Variants in ARHGEF9 observed in about 807,000 individuals in gnomAD.
The protein encoded by ARHGEF9 is rho guanine nucleotide exchange factor 9.
In ARHGEF9, 2 loss-of-function variants were observed where a neutral mutation model predicts 41.3. The observed-to-expected ratio is 0.05, with a 90% CI of 0.02 to 0.15. ARHGEF9 has a LOEUF of 0.15. ARHGEF9 is among the 10% of genes least tolerant of loss of function. The probability of loss-of-function intolerance (pLI) is 1.00; values close to 1 mark genes in which losing one functional copy is unlikely to be tolerated. For synonymous variants in ARHGEF9, 160 were observed against 154.4 expected (o/e 1.04, Z -0.27); for missense variants, 225 against 424.7 (o/e 0.53, Z 4.13).
intron 3 of ARHGEF9, among the ~76,000 whole-genome samples, chrX:63,699,136 T>C (rs1284654749): frequency 3.6e-5 from 4 of 111,817 alleles, no homozygotes; most frequent in Non-Finnish European, 7.5e-5. Context: ...TTAGCTACAA[T>C]GGAGCAGGGA....
chrX:63,670,596 G>C (rs1299676468), intron 6 of ARHGEF9, among the ~76,000 whole-genome samples: 1 of 111,229 alleles, frequency 9.0e-6, no homozygotes, highest in African/African-American at 3.3e-5. Flanking sequence ...TTGTTTTCAA[G>C]TGGATTAAAT....
At chrX:63,734,674 C>G (rs185329238) in intron 1 of ARHGEF9, among the ~76,000 whole-genome samples, 1 of 111,608 alleles carries the variant, frequency 9.0e-6, no homozygotes, top group Admixed American at 9.5e-5. Flanking sequence ...TGAGGAATTA[C>G]GGTGGCCTGT....
intron 1 of ARHGEF9, among the ~76,000 whole-genome samples, chrX:63,753,454 T>C (rs1478065464): frequency 9.0e-6 from 1 of 111,288 alleles, no homozygotes; most frequent in Non-Finnish European, 1.9e-5. Flanking sequence ...TTCAAGAACA[T>C]CATTGCAAAC....
intron 1 of ARHGEF9, among the ~76,000 whole-genome samples, chrX:63,738,145 T>C (rs1181405616): frequency 9.0e-6 from 1 of 111,402 alleles, no homozygotes; most frequent in Non-Finnish European, 1.9e-5. Flanking sequence ...CATCTTCACA[T>C]CCCCAAAAGG....
intron 2 of ARHGEF9, among the ~76,000 whole-genome samples, chrX:63,718,498 C>T (rs1263274373): frequency 9.1e-6 from 1 of 110,031 alleles, no homozygotes; most frequent in African/African-American, 3.3e-5. Context: ...CAAATAAACC[C>T]GGGGGTTGAT....
At chrX:63,782,665 C>T (rs1292073455) in intron 1 of ARHGEF9, among the ~76,000 whole-genome samples, 1 of 112,403 alleles carries the variant, frequency 8.9e-6, no homozygotes, top group Non-Finnish European at 1.9e-5. Context: ...GTTTGTACTT[C>T]GGGCACCTTG....
rs782488062 is a variant in ARHGEF9 at position 63,726,434 on chromosome X, G to A, written c.31-1723C>T. 1.0e-3 allele frequency among the ~76,000 whole-genome samples: 113 copies of A among 111,785 alleles called. 1 individual carries two copies. The highest frequency in any genetic ancestry group is 3.2e-3 in the African/African-American group (98 of 30,747). ...GCTCACTGCAACCTCCACCTCCTGG[G>A]TTCAAGCGATTCTGGTGTCTCGGCC... On this transcript the variant is annotated intron_variant, in intron 1 of 9. Transcript: ENST00000671741.
rs369716500 is a variant in ARHGEF9 at position 63,678,408 on chromosome X, T to G, written c.747A>C (p.Pro249=). 53 of 1,205,506 alleles carry G rather than the reference T, an allele frequency of 4.4e-5. No individual in the cohort carries two copies. Among genetic ancestry groups the G allele is most frequent in the Non-Finnish European group, 4.4e-5 (39 of 892,940 alleles). ...AGGGATACTTGCAGATCTTCTGCAC[T>G]GGAGTCAAAAGGAAACCATCGATAG... is the stretch of plus-strand genomic sequence containing the variant. ...DIAIDGFLLT[P]VQKICKYPLQ... is the part of the protein sequence containing the mutation. The change falls in exon 5 of 10, where the codon CCA becomes CCC. Residue 249 remains proline (P), a synonymous_variant. Coordinates refer to ENST00000671741, the MANE Select transcript of ARHGEF9 (RefSeq NM_001353921.2).
chrX:63,721,436 C>T (rs1415259005), intron 2 of ARHGEF9, among the ~76,000 whole-genome samples: 2 of 111,143 alleles, frequency 1.8e-5, no homozygotes, highest in South Asian at 3.9e-4. Flanking sequence ...TACTTTCTGA[C>T]CAAACCCATG....
At chrX:63,776,916 T>G (rs1345179526) in intron 1 of ARHGEF9, among the ~76,000 whole-genome samples, 1 of 111,421 alleles carries the variant, frequency 9.0e-6, no homozygotes, top group Non-Finnish European at 1.9e-5. Context: ...CAACTGCCTA[T>G]TAGATATCTA....
At chrX:63,782,591 C>T (rs1422922725) in intron 1 of ARHGEF9, among the ~76,000 whole-genome samples, 1 of 112,627 alleles carries the variant, frequency 8.9e-6, no homozygotes, top group African/African-American at 3.2e-5. Flanking sequence ...TTACATGTAA[C>T]ACTTGAAATA....
chrX:63,641,872 G>C lies in ARHGEF9; in HGVS notation c.1390+2108C>G, dbSNP rs2047657609. 10 of 111,459 alleles carry C rather than the reference G, an allele frequency of 9.0e-5. 1 individual carries two copies. The Admixed American group carries it at 9.5e-4, about 11-fold the overall frequency. The allele number at this position is 111,459 out of a possible 1,213,427, so 9.2% of individuals were successfully genotyped here. ...ATTTAAACAGCTGCCAGCATGGCCAGAATAAAAAGCAGGCAGAAGAACCTA... is the reference window on the plus strand; with the variant it reads ...ATTTAAACAGCTGCCAGCATGGCCACAATAAAAAGCAGGCAGAAGAACCTA... On this transcript the variant is annotated intron_variant, in intron 9 of 9. Transcript: ENST00000671741.
intron 9 of ARHGEF9, 31 bp downstream of exon 9, chrX:63,643,949 C>G: frequency 8.4e-7 from 1 of 1,193,145 alleles, no homozygotes; most frequent in South Asian, 1.8e-5. Flanking sequence ...ATTCCATAGT[C>G]TTTCACAGAG....
intron 5 of ARHGEF9, among the ~76,000 whole-genome samples, chrX:63,677,708 A>C (rs2050349147): frequency 9.0e-6 from 1 of 111,515 alleles, no homozygotes; most frequent in East Asian, 2.8e-4. Context: ...AGGACTTTGA[A>C]GCAGGAGTTC....
chrX:63,645,539 T>C (rs1206991815), intron 8 of ARHGEF9, among the ~76,000 whole-genome samples: 1 of 111,709 alleles, frequency 9.0e-6, no homozygotes, highest in Non-Finnish European at 1.9e-5. Context: ...TCATCCATGT[T>C]CCTACAAAGG....
At chrX:63,736,818 T>G (rs1427484061) in intron 1 of ARHGEF9, among the ~76,000 whole-genome samples, 1 of 111,571 alleles carries the variant, frequency 9.0e-6, no homozygotes, top group African/African-American at 3.3e-5. Flanking sequence ...ACCTCAAATA[T>G]ACACAATAAA....
chrX:63,635,796 T>C lies in ARHGEF9; in HGVS notation c.*2232A>G, dbSNP rs1303594977. On this transcript the variant is annotated 3_prime_UTR_variant, in exon 10 of 10. Coordinates refer to ENST00000671741, the MANE Select transcript of ARHGEF9 (RefSeq NM_001353921.2). Reference sequence around the variant, plus strand: ...TGTGCTGCCAACCCTCGAAGAAGCATGTCAAGGCCAAGCCTAGTAAGGAGG... The same window carrying C: ...TGTGCTGCCAACCCTCGAAGAAGCACGTCAAGGCCAAGCCTAGTAAGGAGG... The C allele has an allele frequency of 4.9e-5, 8 of 164,929 alleles. No individual in the cohort carries two copies. Among genetic ancestry groups the C allele is most frequent in the South Asian group, 1.3e-4 (1 of 7,711 alleles). The allele number at this position is 164,929 out of a possible 1,213,427, so 13.6% of individuals were successfully genotyped here. A position where few individuals can be genotyped will look rare whatever the true frequency, so the allele number is the denominator to read the frequency against.
At chrX:63,756,528 A>C (rs1332551878) in intron 1 of ARHGEF9, among the ~76,000 whole-genome samples, 1 of 112,680 alleles carries the variant, frequency 8.9e-6, no homozygotes. Context: ...GCTACAACAT[A>C]GATGAGCTTT....
At chrX:63,747,950 A>G (rs781998224) in intron 1 of ARHGEF9, among the ~76,000 whole-genome samples, 12 of 112,501 alleles carry the variant, frequency 1.1e-4, no homozygotes, top group Non-Finnish European at 1.7e-4. Context: ...AGAAAACAAG[A>G]AGCTCTGGAG....
Sources: allele counts gnomAD v4.1 joint callset (sites outside exome capture counted in the v4.1 genomes callset), GRCh38; gene constraint gnomAD v4.1.1; transcripts MANE v1.5; gene names NCBI Gene and HGNC (gene_info 2026-07-23, HGNC 2026-07-21).